The following DHRSX variants were observed in gnomAD, a reference collection of about 807,000 sequenced individuals.
DHRSX encodes polyprenol dehydrogenase.
DHRSX carries 31 observed loss-of-function variants against 34.0 expected under a neutral mutation model. That is an observed-to-expected ratio of 0.91 (90% CI 0.69 to 1.23). The LOEUF is 1.23. Among genes scored for constraint, DHRSX ranks in the 50% most tolerant of loss-of-function variants. DHRSX has a pLI of 0.00. For missense variants in DHRSX, 414 were observed against 428.1 expected (o/e 0.97, Z 0.29); for synonymous variants, 201 against 183.8 (o/e 1.09, Z -0.76).
At chrX:2,490,130 G>A (rs1289586605) in intron 1 of DHRSX, 1 of 1,613,794 alleles carries the variant, frequency 6.2e-7, no homozygotes, top group Non-Finnish European at 8.5e-7. Context: ...CATGTCGGTG[G>A]AGATGCCACA....
chrX:2,429,514 C>A (rs1703385498), intron 1 of DHRSX, among the ~76,000 whole-genome samples: 1 of 151,546 alleles, frequency 6.6e-6, no homozygotes, highest in Non-Finnish European at 1.5e-5. Context: ...GTGGTGCAAT[C>A]ATGGCTCGCT....
chrX:2,251,875 A>G (rs2016441418), intron 5 of DHRSX, among the ~76,000 whole-genome samples: 1 of 152,090 alleles, frequency 6.6e-6, no homozygotes, highest in Non-Finnish European at 1.5e-5. Context: ...ATGAACAATC[A>G]AAACATAACT....
chrX:2,304,293 G>GGATGGATGGATGAA (rs1569485939), intron 3 of DHRSX, among the ~76,000 whole-genome samples: 4 of 94,844 alleles, frequency 4.2e-5, no homozygotes, highest in African/African-American at 2.0e-4. Flanking sequence ...GGGTGGGTGG[G>GGATGGATGGATGAA]TGGATGGATG....
chrX:2,499,965 C>CCCAG (rs1294516526), intron 1 of DHRSX, among the ~76,000 whole-genome samples: 1 of 152,128 alleles, frequency 6.6e-6, no homozygotes, highest in Non-Finnish European at 1.5e-5. Context: ...ACTGCTTGAG[C>CCCAG]CCAGGAGTTC....
chrX:2,340,758 AAGAT>A (rs1281220905), intron 3 of DHRSX, among the ~76,000 whole-genome samples: 10 of 152,260 alleles, frequency 6.6e-5, no homozygotes, highest in South Asian at 2.1e-4. Flanking sequence ...GCTTGGGAGA[AAGAT>A]AGGCTCGTGA....
chrX:2,422,425 G>T (rs1234648076), intron 2 of DHRSX, among the ~76,000 whole-genome samples: 1 of 151,730 alleles, frequency 6.6e-6, no homozygotes, highest in Non-Finnish European at 1.5e-5. Flanking sequence ...ACCATGCCGA[G>T]CTACTTTTTG....
intron 6 of DHRSX, among the ~76,000 whole-genome samples, chrX:2,241,608 G>A (rs971457883): frequency 2.0e-5 from 3 of 151,934 alleles, no homozygotes; most frequent in South Asian, 2.1e-4. Flanking sequence ...GCAGAGACTC[G>A]TCATAAACCA....
intron 3 of DHRSX, among the ~76,000 whole-genome samples, chrX:2,390,923 G>C (rs1248283190): frequency 2.0e-5 from 3 of 151,940 alleles, no homozygotes; most frequent in Non-Finnish European, 4.4e-5. Context: ...TTTAGGATTG[G>C]ATTATTTCAC....
At chrX:2,325,197 G>C (rs1246196768) in intron 3 of DHRSX, among the ~76,000 whole-genome samples, 2 of 152,202 alleles carry the variant, frequency 1.3e-5, no homozygotes, top group Admixed American at 6.6e-5. Context: ...GGAGGACCTA[G>C]GGACTAGACA....
intron 6 of DHRSX, among the ~76,000 whole-genome samples, chrX:2,221,543 G>A (rs375000543): frequency 9.9e-5 from 15 of 152,106 alleles, no homozygotes; most frequent in African/African-American, 1.9e-4. Context: ...TTATGGGACC[G>A]AAATGCTTAT....
chrX:2,348,418 C>T (rs1262279727), intron 3 of DHRSX, among the ~76,000 whole-genome samples: 6 of 152,092 alleles, frequency 3.9e-5, no homozygotes, highest in Non-Finnish European at 5.9e-5. Flanking sequence ...GTCAGTCCCT[C>T]GCAGCCAGAA....
At chrX:2,324,555 A>C (rs1356347250) in intron 3 of DHRSX, among the ~76,000 whole-genome samples, 1 of 152,070 alleles carries the variant, frequency 6.6e-6, no homozygotes, top group Non-Finnish European at 1.5e-5. Flanking sequence ...ATAGGACAGA[A>C]GCTCCGCCCA....
At chrX:2,343,082 A>G (rs2042660038) in intron 3 of DHRSX, among the ~76,000 whole-genome samples, 1 of 151,846 alleles carries the variant, frequency 6.6e-6, no homozygotes, top group Admixed American at 6.6e-5. Flanking sequence ...CCTAAGATAA[A>G]CCCGTCTCCG....
At chrX:2,478,476 C>T (rs1337631430) in intron 1 of DHRSX, among the ~76,000 whole-genome samples, 1 of 151,846 alleles carries the variant, frequency 6.6e-6, no homozygotes, top group Non-Finnish European at 1.5e-5. Flanking sequence ...TGAAGACGTT[C>T]CCTAAGAATG....
chrX:2,450,008 T>C (rs192991570), intron 1 of DHRSX, among the ~76,000 whole-genome samples: 7 of 152,082 alleles, frequency 4.6e-5, no homozygotes, highest in African/African-American at 1.7e-4. Context: ...CTAACACAGA[T>C]TACCGAATTA....
intron 5 of DHRSX, among the ~76,000 whole-genome samples, chrX:2,253,140 A>T (rs1189545849): frequency 6.6e-6 from 1 of 152,188 alleles, no homozygotes. Flanking sequence ...GCAAGCCAAG[A>T]TAGCGTCACT....
At chrX:2,243,952 GTGGGAACAGGGTTTCACCA>G (rs1179217560) in intron 5 of DHRSX, among the ~76,000 whole-genome samples, 3 of 148,978 alleles carry the variant, frequency 2.0e-5, no homozygotes, top group African/African-American at 7.4e-5. Flanking sequence ...TGTATTTTTA[GTGGGAACAGGGTTTCACCA>G]TGTTGGCCAG....
intron 3 of DHRSX, among the ~76,000 whole-genome samples, chrX:2,347,039 C>T (rs1230271715): frequency 1.3e-5 from 2 of 152,110 alleles, no homozygotes; most frequent in Non-Finnish European, 2.9e-5. Context: ...TGTCTTTACA[C>T]AATCTATGGT....
chrX:2,252,287 G>A (rs1644811637), intron 5 of DHRSX, among the ~76,000 whole-genome samples: 1 of 152,036 alleles, frequency 6.6e-6, no homozygotes, highest in Admixed American at 6.6e-5. Context: ...AATTAAGACA[G>A]GGAAATTGAG....
Sources: allele counts gnomAD v4.1 joint callset (sites outside exome capture counted in the v4.1 genomes callset), GRCh38; gene constraint gnomAD v4.1.1; transcripts MANE v1.5; gene names NCBI Gene and HGNC (gene_info 2026-07-23, HGNC 2026-07-21).